OSBPL6: variants seen among roughly 807,000 people sequenced by gnomAD.
OSBPL6 encodes oxysterol binding protein like 6.
Under a neutral mutation model 125.8 loss-of-function variants are expected in OSBPL6, and 49 were observed. That is an observed-to-expected ratio of 0.39 (90% CI 0.31 to 0.49). The LOEUF is 0.49. Among genes scored for constraint, OSBPL6 ranks in the 20% least tolerant of loss-of-function variants. OSBPL6 has a pLI of 0.88. For missense variants in OSBPL6, 986 were observed against 1,135.4 expected (o/e 0.87, Z 1.89); for synonymous variants, 394 against 391.8 (o/e 1.01, Z -0.07).
chr2:178,212,856 A>G (rs2153957631), intron 1 of OSBPL6, among the ~76,000 whole-genome samples: 1 of 151,174 alleles, frequency 6.6e-6, no homozygotes, highest in African/African-American at 2.4e-5. Context: ...CACCCAGGCT[A>G]GAGTGCAATG....
At chr2:178,218,284 C>T (rs10180553) in intron 1 of OSBPL6, among the ~76,000 whole-genome samples, 4,378 of 152,080 alleles carry the variant, frequency 0.029, 195 homozygotes, top group African/African-American at 0.1. Context: ...GACAAGTCAG[C>T]CTCTTGACTC....
chr2:178,222,105 G>A (rs148550071), intron 1 of OSBPL6, among the ~76,000 whole-genome samples: 342 of 152,264 alleles, frequency 2.2e-3, no homozygotes, highest in Middle Eastern at 0.01. Flanking sequence ...TTTGCAGCAC[G>A]TTCTCTTCCA....
rs148781023 is a variant in OSBPL6, at chr2:178,392,515, C to T, written c.2550C>T (p.Asp850=). Residue 850 remains aspartate, a synonymous_variant, in exon 23 of 25, where the codon GAC becomes GAT. Transcript: ENST00000190611. The stretch of plus-strand genomic sequence containing the variant: ...TAAAAGATCTCCTTCCACCAACAGA[C>T]GCCCGGTTCCGGCCAGATCAAAGGT... ...PVLKDLLPPT[D]ARFRPDQRFL... is the part of the protein sequence containing the mutation. The T allele has an allele frequency of 4.7e-4, 755 of 1,613,902 alleles. 3 individuals are homozygous for T. Among genetic ancestry groups the T allele is most frequent in the Middle Eastern group, 2.3e-3 (14 of 6,080 alleles).
At chr2:178,280,224 TA>T (rs1488724385) in intron 1 of OSBPL6, among the ~76,000 whole-genome samples, 1 of 151,888 alleles carries the variant, frequency 6.6e-6, no homozygotes, top group Non-Finnish European at 1.5e-5. Flanking sequence ...TAAAATTAAA[TA>T]AAATGAGGTT....
In OSBPL6 at chr2:178,400,523, G is replaced by A. The variant is rs1202911770; in HGVS notation, c.*4964G>A. On this transcript the variant is annotated 3_prime_UTR_variant, in exon 25 of 25. Coordinates refer to ENST00000190611, the MANE Select transcript of OSBPL6 (RefSeq NM_032523.4). ...GCTGGTCTCGAACTCCTGACCTCAA[G>A]TGTTTCACCCGCCTCAGCCCCCCAA... 1 of 152,116 alleles carries A rather than the reference G, an allele frequency of 6.6e-6. No homozygotes were observed. Among genetic ancestry groups the A allele is most frequent in the Non-Finnish European group, 1.5e-5 (1 of 68,056 alleles). 9.4% of individuals were successfully genotyped at this position (152,116 alleles called of 1,614,324 possible).
intron 1 of OSBPL6, among the ~76,000 whole-genome samples, chr2:178,209,815 GATCTCACA>G (rs1157545340): frequency 6.6e-6 from 1 of 150,980 alleles, no homozygotes; most frequent in Non-Finnish European, 1.5e-5. Flanking sequence ...ATTTCACAGA[GATCTCACA>G]AGCTTTTGCC....
chr2:178,344,231 C>T, intron 11 of OSBPL6: 1 of 1,437,000 alleles, frequency 7.0e-7, no homozygotes, highest in South Asian at 1.1e-5. Context: ...TCCCATCTTC[C>T]ATCCTTTCCT....
At position 178,239,372 on chromosome 2, in the gene OSBPL6, C is replaced by T. The variant is rs999323320; in HGVS notation, c.-351+44698C>T. Among the ~76,000 whole-genome samples the T allele has an allele frequency of 2.0e-5, 3 of 151,992 alleles. No individual in the cohort carries two copies. In the South Asian group the frequency reaches 6.2e-4, roughly 32 times the overall value. On this transcript the variant is annotated intron_variant, in intron 1 of 24. Transcript: ENST00000190611. ...CCAGGAGTTCAAGACCAAGCCTGGG[C>T]AATATAGTCAGACCTCATCTCTACA...
At chr2:178,359,394 C>T (rs569864112) in intron 12 of OSBPL6, among the ~76,000 whole-genome samples, 114 of 152,194 alleles carry the variant, frequency 7.5e-4, no homozygotes, top group Non-Finnish European at 1.4e-3. Flanking sequence ...ATTAAAAAGA[C>T]GAGACAAATG....
At position 178,397,536 on chromosome 2, in the gene OSBPL6, T is replaced by A. The variant is rs1695922754; in HGVS notation, c.*1977T>A. On this transcript the variant is annotated 3_prime_UTR_variant, in exon 25 of 25. Coordinates refer to ENST00000190611, the MANE Select transcript of OSBPL6 (RefSeq NM_032523.4). ...TTGACTTCCTCACGGGAGTCTGTTC[T>A]CCTATGGTTGATAAAGCTTTAAATA... is the stretch of plus-strand genomic sequence containing the variant. 1 of 152,226 alleles carries A rather than the reference T, an allele frequency of 6.6e-6. No individual in the cohort carries two copies. Among genetic ancestry groups the A allele is most frequent in the South Asian group, 2.1e-4 (1 of 4,832 alleles). 9.4% of individuals were successfully genotyped at this position (152,226 alleles called of 1,614,324 possible). A position where few individuals can be genotyped will look rare whatever the true frequency, so the allele number is the denominator to read the frequency against.
intron 1 of OSBPL6, among the ~76,000 whole-genome samples, chr2:178,229,023 G>A (rs568159028): frequency 6.6e-6 from 1 of 152,348 alleles, no homozygotes; most frequent in African/African-American, 2.4e-5. Flanking sequence ...AGATTGGGCA[G>A]CCACATCTGA....
intron 13 of OSBPL6, among the ~76,000 whole-genome samples, chr2:178,363,818 A>C (rs1254965333): frequency 6.6e-6 from 1 of 152,226 alleles, no homozygotes; most frequent in Non-Finnish European, 1.5e-5. Context: ...AAAAAATCTC[A>C]ATTTTAGCCT....
At position 178,396,713 on chromosome 2, in the gene OSBPL6, A is replaced by T. The variant is rs1444140075; in HGVS notation, c.*1154A>T. ...TTTCAAATTTTCATCAAGTGATTCCATATGGTACATGGCTACATATTAAGC... is the reference window on the plus strand; with the variant it reads ...TTTCAAATTTTCATCAAGTGATTCCTTATGGTACATGGCTACATATTAAGC... On this transcript the variant is annotated 3_prime_UTR_variant, in exon 25 of 25. Coordinates refer to ENST00000190611, the MANE Select transcript of OSBPL6 (RefSeq NM_032523.4). 6.6e-6 allele frequency: 1 copy of T among 152,268 alleles called. No individual in the cohort carries two copies. Among genetic ancestry groups the T allele is most frequent in the African/African-American group, 2.4e-5 (1 of 41,482 alleles). 9.4% of individuals were successfully genotyped at this position (152,268 alleles called of 1,614,324 possible). A position where few individuals can be genotyped will look rare whatever the true frequency, so the allele number is the denominator to read the frequency against.
In OSBPL6 at chr2:178,396,492, A is replaced by G. The variant is rs1695852043; in HGVS notation, c.*933A>G. On this transcript the variant is annotated 3_prime_UTR_variant, in exon 25 of 25. Transcript: ENST00000190611. ...ATCAGTGTTAAAACCTTAAAAGGAA[A>G]TAACAAAAAGCATATGGAATTCCTG... The G allele has an allele frequency of 6.6e-6, 1 of 152,250 alleles. No homozygotes were observed. 9.4% of individuals were successfully genotyped at this position (152,250 alleles called of 1,614,324 possible). A position where few individuals can be genotyped will look rare whatever the true frequency, so the allele number is the denominator to read the frequency against.
intron 11 of OSBPL6, 146 bp downstream of exon 11, chr2:178,339,910 A>G: frequency 6.3e-6 from 3 of 478,700 alleles, no homozygotes; most frequent in Non-Finnish European, 1.1e-5. Flanking sequence ...TATCTAAAAT[A>G]GTGGAAAATC....
intron 1 of OSBPL6, among the ~76,000 whole-genome samples, chr2:178,261,812 T>A (rs1021275014): frequency 2.0e-5 from 3 of 152,248 alleles, no homozygotes; most frequent in Non-Finnish European, 4.4e-5. Flanking sequence ...CTTCAACTAT[T>A]TTCTCACTTT....
intron 1 of OSBPL6, among the ~76,000 whole-genome samples, chr2:178,246,933 G>C (rs1434486270): frequency 6.6e-6 from 1 of 152,144 alleles, no homozygotes; most frequent in African/African-American, 2.4e-5. Context: ...CTTGCATGCA[G>C]TAGACTTGAA....
At position 178,387,133 on chromosome 2, in the gene OSBPL6, T is replaced by G; in HGVS notation, c.2150T>G (p.Leu717Arg). ...CCTGTTGGAACACTGAATGTCATGC[T>G]TCCAAAGTAGGTGACTCACACCTCC... ...ILPVGTLNVMLPKYGDYYVWN... is the reference protein window; with the variant it reads ...ILPVGTLNVMRPKYGDYYVWN... The change falls in exon 20 of 25, where the codon CTT becomes CGT. Residue 717 changes from leucine (L) to arginine (R), a missense_variant. Around this residue, in one of 3 missense-constraint regions of OSBPL6, gnomAD observed 843 missense variants for 997.3 expected, o/e 0.85. Transcript: ENST00000190611. The G allele has an allele frequency of 6.2e-7, 1 of 1,609,574 alleles. No individual in the cohort carries two copies. Among genetic ancestry groups the G allele is most frequent in the Non-Finnish European group, 8.5e-7 (1 of 1,176,296 alleles).
intron 1 of OSBPL6, among the ~76,000 whole-genome samples, chr2:178,227,882 T>C (rs969333168): frequency 1.3e-5 from 2 of 152,148 alleles, no homozygotes; most frequent in Non-Finnish European, 2.9e-5. Flanking sequence ...ACCATTTGGG[T>C]AGATAAGTTA....
Sources: allele counts gnomAD v4.1 joint callset (sites outside exome capture counted in the v4.1 genomes callset), GRCh38; gene constraint gnomAD v4.1.1; regional missense constraint gnomAD v4.1.1; transcripts MANE v1.5; gene names NCBI Gene and HGNC (gene_info 2026-07-23, HGNC 2026-07-21).